Variants in UBN2 observed in about 807,000 individuals in gnomAD.
The protein encoded by UBN2 is ubinuclein-2.
A neutral mutation model predicts 120.2 loss-of-function variants in UBN2; 35 were observed. The observed-to-expected ratio is 0.29, with a 90% confidence interval of 0.22 to 0.39. UBN2 has a LOEUF of 0.39. Ranked by LOEUF, UBN2 falls within the 10% of genes least tolerant of loss-of-function variation. The pLI is 1.00. For missense variants in UBN2, 1,693 were observed against 1,663.2 expected (o/e 1.02, Z -0.31); for synonymous variants, 661 against 648.7 (o/e 1.02, Z -0.29).
chr7:139,250,421 T>TG (rs1418295020), intron 2 of UBN2, among the ~76,000 whole-genome samples: 1 of 151,870 alleles, frequency 6.6e-6, no homozygotes, highest in African/African-American at 2.4e-5. Flanking sequence ...TTAGTATAGA[T>TG]GGGCCTCCCG....
intron 2 of UBN2, among the ~76,000 whole-genome samples, chr7:139,237,416 C>T (rs1449348076): frequency 6.6e-6 from 1 of 152,110 alleles, no homozygotes; most frequent in African/African-American, 2.4e-5. Flanking sequence ...CATGCCTCAG[C>T]CTCCCAAGTA....
At position 139,261,421 on chromosome 7, in the gene UBN2, C is replaced by A; in HGVS notation, c.1075C>A (p.Pro359Thr). ...GTCAACCCCTTCTCTGAATAAACCC[C>A]CATGTGCTGCTGCAGCACTGGGGAA... Reference protein sequence around the residue: ...TLSTPSLNKPPCAAAALGNDV... With the variant: ...TLSTPSLNKPTCAAAALGNDV... The change falls in exon 6 of 18, where the codon CCA becomes ACA. Residue 359 changes from proline (P) to threonine (T), a missense_variant. Around this residue, in one of 5 missense-constraint regions of UBN2, gnomAD observed 663 missense variants for 591.2 expected, o/e 1.12. Coordinates refer to ENST00000473989, the MANE Select transcript of UBN2 (RefSeq NM_173569.4). 6.2e-7 allele frequency: 1 copy of A among 1,614,222 alleles called. No individual in the cohort carries two copies. The highest frequency in any genetic ancestry group is 8.5e-7 in the Non-Finnish European group (1 of 1,180,040).
At position 139,269,428 on chromosome 7, in the gene UBN2, A is replaced by G. The variant is rs1797195659; in HGVS notation, c.1501A>G (p.Ile501Val). The change falls in exon 8 of 18, where the codon ATT becomes GTT. Residue 501 changes from isoleucine (I) to valine (V), a missense_variant. Physicochemically the swap from Ile to Val is conservative, Grantham distance 29. This residue lies in a region of UBN2 where 178 missense variants were observed against 204.0 expected (regional missense o/e 0.87). Coordinates refer to ENST00000473989, the MANE Select transcript of UBN2 (RefSeq NM_173569.4). ...ELQLQELGPV[I>V]RSGVYSHLEA... Reference sequence around the variant, plus strand: ...ACAGCTACAAGAACTAGGCCCTGTCATTCGCAGTGGTGTCTACTCCCACCT... The same window carrying G: ...ACAGCTACAAGAACTAGGCCCTGTCGTTCGCAGTGGTGTCTACTCCCACCT... The G allele has an allele frequency of 1.9e-6, 3 of 1,614,052 alleles. No individual in the cohort carries two copies. Among genetic ancestry groups the G allele is most frequent in the Admixed American group, 1.7e-5 (1 of 59,992 alleles).
intron 15 of UBN2, among the ~76,000 whole-genome samples, chr7:139,292,284 A>G (rs537478910): frequency 1.3e-5 from 2 of 152,160 alleles, no homozygotes; most frequent in African/African-American, 4.8e-5. Flanking sequence ...GGGCAGGGGG[A>G]ATATATTTAA....
intron 3 of UBN2, among the ~76,000 whole-genome samples, chr7:139,257,998 T>C (rs1212167023): frequency 1.3e-5 from 2 of 152,094 alleles, no homozygotes; most frequent in East Asian, 3.9e-4. Flanking sequence ...GGTCTCGAAC[T>C]CCTGACCCCA....
chr7:139,299,504 C>T lies in UBN2; in HGVS notation c.*1668C>T, dbSNP rs1798204470. ...TATGCCTATATTTTGACTTCAAAGTCACATTGGCTTGCTTCATAGCGAAAA... is the reference window on the plus strand; with the variant it reads ...TATGCCTATATTTTGACTTCAAAGTTACATTGGCTTGCTTCATAGCGAAAA... On this transcript the variant is annotated 3_prime_UTR_variant, in exon 18 of 18. Transcript: ENST00000473989. 1 of 152,104 alleles carries T rather than the reference C, an allele frequency of 6.6e-6. No homozygotes were observed. The highest frequency in any genetic ancestry group is 2.4e-5 in the African/African-American group (1 of 41,430). 9.4% of individuals were successfully genotyped at this position (152,104 alleles called of 1,614,324 possible).
chr7:139,314,847 G>C, the UBN2 span, among the ~76,000 whole-genome samples: 8 of 151,758 alleles, frequency 5.3e-5, no homozygotes, highest in African/African-American at 1.9e-4. Flanking sequence ...GCCTTGTTTC[G>C]ATGCATCATC....
At position 139,272,315 on chromosome 7, in the gene UBN2, T is replaced by G. The variant is rs1376360664; in HGVS notation, c.1597-7T>G. The G allele has an allele frequency of 6.2e-7, 1 of 1,602,168 alleles. No homozygotes were observed. Among genetic ancestry groups the G allele is most frequent in the Admixed American group, 1.7e-5 (1 of 57,244 alleles). On this transcript the variant is annotated splice_polypyrimidine_tract_variant and splice_region_variant and intron_variant, in intron 8 of 17. Transcript: ENST00000473989. Reference sequence around the variant, plus strand: ...GATAAAAACTTCTAGTATGTTTTTCTTTTTAGGATGATCGTTTAAGAGAAC... The same window carrying G: ...GATAAAAACTTCTAGTATGTTTTTCGTTTTAGGATGATCGTTTAAGAGAAC...
chr7:139,251,216 A>C (rs947626779), intron 2 of UBN2, among the ~76,000 whole-genome samples: 4 of 152,196 alleles, frequency 2.6e-5, no homozygotes, highest in African/African-American at 9.6e-5. Context: ...CATAATTTTA[A>C]GTTTACAGGA....
chr7:139,310,928 G>A (rs1343089541), downstream of UBN2, among the ~76,000 whole-genome samples: 1 of 152,096 alleles, frequency 6.6e-6, no homozygotes, highest in East Asian at 1.9e-4. Flanking sequence ...TTATTGATGG[G>A]TGCTTAGGTT....
chr7:139,236,947 A>G, intron 1 of UBN2, 58 bp from the exon 2 acceptor site: 2 of 1,082,342 alleles, frequency 1.8e-6, no homozygotes, highest in South Asian at 2.9e-5. Flanking sequence ...ACAAACAATA[A>G]TAATATTTGT....
chr7:139,324,800 G>A, the UBN2 span, among the ~76,000 whole-genome samples: 5 of 151,704 alleles, frequency 3.3e-5, no homozygotes, highest in African/African-American at 7.3e-5. Context: ...GCGAAACCCC[G>A]TCTCTACTAA....
chr7:139,296,547 A>G (rs1201537169), intron 17 of UBN2, among the ~76,000 whole-genome samples: 11 of 152,104 alleles, frequency 7.2e-5, no homozygotes, highest in Admixed American at 7.2e-4. Flanking sequence ...TTTTCTTGCT[A>G]AGGCCATGAC....
At chr7:139,322,256 G>A in the UBN2 span, among the ~76,000 whole-genome samples, 1 of 152,184 alleles carries the variant, frequency 6.6e-6, no homozygotes, top group Non-Finnish European at 1.5e-5. Context: ...TTACAGGCAT[G>A]AGCCACCATG....
chr7:139,261,333 A>G lies in UBN2; in HGVS notation c.987A>G (p.Arg329=), dbSNP rs1184119529. Residue 329 remains arginine, a synonymous_variant, in exon 6 of 18, where the codon AGA becomes AGG. Coordinates refer to ENST00000473989, the MANE Select transcript of UBN2 (RefSeq NM_173569.4). ...KDSLSLAAMI[R]KFQKEKDALK... ...CTCTTTCTCTAGCTGCCATGATTAGAAAATTCCAGAAAGAGAAGGATGCAT... is the reference window on the plus strand; with the variant it reads ...CTCTTTCTCTAGCTGCCATGATTAGGAAATTCCAGAAAGAGAAGGATGCAT... The G allele has an allele frequency of 6.2e-7, 1 of 1,614,210 alleles. No individual in the cohort carries two copies. The highest frequency in any genetic ancestry group is 1.7e-5 in the Admixed American group (1 of 60,002).
At chr7:139,247,452 C>G (rs1375678565) in intron 2 of UBN2, among the ~76,000 whole-genome samples, 1 of 152,162 alleles carries the variant, frequency 6.6e-6, no homozygotes, top group African/African-American at 2.4e-5. Context: ...CCTATAGGTT[C>G]TATAACTTCT....
At chr7:139,262,564 A>AG in intron 6 of UBN2, among the ~76,000 whole-genome samples, 1 of 152,216 alleles carries the variant, frequency 6.6e-6, no homozygotes, top group African/African-American at 2.4e-5. Flanking sequence ...TACAAAAAAA[A>AG]ATTAGGTGGG....
Position 139,293,462 on chromosome 7 carries a change from G to C in UBN2, c.3900G>C (p.Gln1300His). Residue 1300 changes from glutamine to histidine, a missense_variant and splice_region_variant, in exon 16 of 18, where the codon CAG becomes CAC. Around this residue, in one of 5 missense-constraint regions of UBN2, gnomAD observed 837 missense variants for 817.6 expected, o/e 1.02. Coordinates refer to ENST00000473989, the MANE Select transcript of UBN2 (RefSeq NM_173569.4). ...CCGCTTTCCACCATAGCCTAACTCA[G>C]AGTAAGTGGGGCTCTTCTATTTGGT... ...TSAAFHHSLT[Q>H]NLLKGLQPGG... is the part of the protein sequence containing the mutation. 6.2e-7 allele frequency: 1 copy of C among 1,613,766 alleles called. No homozygotes were observed. The highest frequency in any genetic ancestry group is 8.5e-7 in the Non-Finnish European group (1 of 1,179,724).
intron 15 of UBN2, among the ~76,000 whole-genome samples, chr7:139,292,998 G>A (rs1352373428): frequency 1.3e-5 from 2 of 152,310 alleles, no homozygotes; most frequent in East Asian, 1.9e-4. Flanking sequence ...AAGTGGAGGA[G>A]TGCGAGTGGA....
Sources: gnomAD v4.1 joint callset for allele counts (sites outside exome capture counted in the v4.1 genomes callset) on GRCh38, gnomAD v4.1.1 for gene constraint, gnomAD v4.1.1 regional missense constraint, MANE v1.5 for transcripts, NCBI Gene and HGNC (gene_info 2026-07-23, HGNC 2026-07-21) for gene names.